CDIN1: variants seen among roughly 807,000 people sequenced by gnomAD.
CDIN1 encodes the protein CDAN1 interacting nuclease 1.
A neutral mutation model predicts 45.3 loss-of-function variants in CDIN1; 33 were observed. The observed-to-expected ratio is 0.73, with a 90% CI of 0.55 to 0.97. The LOEUF is 0.97. CDIN1 is among the 50% of genes least tolerant of loss of function. The pLI is 0.00. For synonymous variants in CDIN1, 118 were observed against 124.4 expected, an observed-to-expected ratio of 0.95 and a Z score of 0.34; for missense variants, 303 against 339.4, an observed-to-expected ratio of 0.89 and a Z score of 0.84.
At chr15:36,604,780 G>T (rs1033830435) in intron 1 of CDIN1, among the ~76,000 whole-genome samples, 3 of 152,092 alleles carry the variant, frequency 2.0e-5, no homozygotes, top group Non-Finnish European at 4.4e-5. Flanking sequence ...ACATATTGTG[G>T]TGATAATAAG....
intron 1 of CDIN1, among the ~76,000 whole-genome samples, chr15:36,592,154 G>A (rs1317094191): frequency 1.3e-5 from 2 of 152,134 alleles, no homozygotes; most frequent in African/African-American, 4.8e-5. Flanking sequence ...AAAGCACTGT[G>A]TGGGCCAACA....
At chr15:36,765,309 G>C (rs1261158924) in intron 10 of CDIN1, among the ~76,000 whole-genome samples, 2 of 151,986 alleles carry the variant, frequency 1.3e-5, no homozygotes, top group Non-Finnish European at 2.9e-5. Flanking sequence ...ACCCACCTCG[G>C]CCTCCCAAAG....
At chr15:36,680,647 AG>A (rs1203834645) in intron 5 of CDIN1, among the ~76,000 whole-genome samples, 3 of 152,178 alleles carry the variant, frequency 2.0e-5, no homozygotes, top group Non-Finnish European at 4.4e-5. Flanking sequence ...CCCAGGGGAC[AG>A]ATATGCAACT....
chr15:36,699,064 G>A (rs2042538792), intron 8 of CDIN1, among the ~76,000 whole-genome samples: 1 of 152,118 alleles, frequency 6.6e-6, no homozygotes, highest in African/African-American at 2.4e-5. Flanking sequence ...GAATCTAGAG[G>A]TAATTATTTT....
chr15:36,753,457 G>A (rs557216401), intron 10 of CDIN1, among the ~76,000 whole-genome samples: 1 of 152,210 alleles, frequency 6.6e-6, no homozygotes, highest in Non-Finnish European at 1.5e-5. Context: ...TACCGGGTTA[G>A]ATCATTCTTG....
At chr15:36,602,935 C>T (rs1217535102) in intron 1 of CDIN1, among the ~76,000 whole-genome samples, 1 of 151,964 alleles carries the variant, frequency 6.6e-6, no homozygotes, top group African/African-American at 2.4e-5. Flanking sequence ...TTGCAGTGAG[C>T]CGAGATCATG....
At chr15:36,739,094 C>T (rs16954349) in intron 10 of CDIN1, among the ~76,000 whole-genome samples, 5,559 of 152,196 alleles carry the variant, frequency 0.037, 356 homozygotes, top group African/African-American at 0.13. Context: ...TTGAGTTTTG[C>T]GGTTTGAAGA....
intron 2 of CDIN1, among the ~76,000 whole-genome samples, chr15:36,644,971 C>G (rs1414251057): frequency 1.3e-5 from 2 of 152,140 alleles, no homozygotes; most frequent in East Asian, 3.9e-4. Flanking sequence ...TACTATGACC[C>G]TGTTGGCTTT....
intron 5 of CDIN1, among the ~76,000 whole-genome samples, chr15:36,684,021 C>G (rs1455976368): frequency 2.0e-5 from 3 of 149,320 alleles, no homozygotes; most frequent in Non-Finnish European, 3.0e-5. Flanking sequence ...CGTCTGCAAA[C>G]AGGGACAATT....
chr15:36,781,537 T>TGTCCATTCTGCATCTTGA (rs148175668), intron 10 of CDIN1, among the ~76,000 whole-genome samples: 2,917 of 152,242 alleles, frequency 0.019, 102 homozygotes, highest in African/African-American at 0.065. Flanking sequence ...AAACAATAGG[T>TGTCCATTCTGCATCTTGA]GTCCATTCTG....
At chr15:36,686,891 GA>G in intron 5 of CDIN1, among the ~76,000 whole-genome samples, 1 of 118,794 alleles carries the variant, frequency 8.4e-6, no homozygotes, top group African/African-American at 3.2e-5. Flanking sequence ...GGGAGGGTGG[GA>G]GAGAGAGAGG....
At chr15:36,774,161 T>TGCGC (rs756189878) in intron 10 of CDIN1, among the ~76,000 whole-genome samples, 8,802 of 50,350 alleles carry the variant, frequency 0.17, 282 homozygotes, top group East Asian at 0.38. Context: ...TGTGTGTGTG[T>TGCGC]GTGCGCGCGC....
chr15:36,665,059 T>C (rs1595442533), intron 5 of CDIN1, among the ~76,000 whole-genome samples: 1 of 152,208 alleles, frequency 6.6e-6, no homozygotes, highest in African/African-American at 2.4e-5. Flanking sequence ...CAGATGAAAT[T>C]CTAGGAGTAG....
intron 1 of CDIN1, among the ~76,000 whole-genome samples, chr15:36,605,439 T>G (rs2038316889): frequency 6.6e-6 from 1 of 152,256 alleles, no homozygotes; most frequent in African/African-American, 2.4e-5. Flanking sequence ...TTAGTTCTGT[T>G]AAATAGCAAA....
At chr15:36,774,181 T>C (rs929659446) in intron 10 of CDIN1, among the ~76,000 whole-genome samples, 2 of 97,152 alleles carry the variant, frequency 2.1e-5, no homozygotes, top group Non-Finnish European at 4.5e-5. Context: ...CGCGCATGCA[T>C]GAGGGGAGAC....
At chr15:36,700,232 A>G (rs544893894) in intron 8 of CDIN1, among the ~76,000 whole-genome samples, 1 of 152,274 alleles carries the variant, frequency 6.6e-6, no homozygotes, top group African/African-American at 2.4e-5. Context: ...TACACTAGTT[A>G]GTACAAAGTG....
intron 1 of CDIN1, among the ~76,000 whole-genome samples, chr15:36,593,511 G>A (rs2037680107): frequency 6.6e-6 from 1 of 152,116 alleles, no homozygotes; most frequent in Non-Finnish European, 1.5e-5. Context: ...TTGATTTAGT[G>A]TTCAATATAG....
intron 7 of CDIN1, among the ~76,000 whole-genome samples, chr15:36,694,462 T>G (rs1229858775): frequency 6.6e-6 from 1 of 152,222 alleles, no homozygotes. Flanking sequence ...TCTTAGTGCC[T>G]TATGAAAATG....
intron 7 of CDIN1, among the ~76,000 whole-genome samples, chr15:36,696,159 C>A (rs2042417632): frequency 6.6e-6 from 1 of 152,126 alleles, no homozygotes; most frequent in Admixed American, 6.6e-5. Context: ...ATCCTAAAGG[C>A]ACTTAACACA....
Sources: gnomAD v4.1 joint callset for allele counts (sites outside exome capture counted in the v4.1 genomes callset) on GRCh38, gnomAD v4.1.1 for gene constraint, MANE v1.5 for transcripts, NCBI Gene and HGNC (gene_info 2026-07-23, HGNC 2026-07-21) for gene names.